TLN2: variants seen among roughly 807,000 people sequenced by gnomAD.
TLN2 encodes talin-2.
TLN2 carries 118 observed loss-of-function variants against 294.7 expected under a neutral mutation model. The ratio of observed to expected loss-of-function variants is 0.40; its 90% confidence interval spans 0.34 to 0.47. The LOEUF (loss-of-function observed/expected upper bound fraction) is 0.47. Ranked by LOEUF, TLN2 falls within the 20% of genes least tolerant of loss-of-function variation. The pLI is 0.84. For synonymous variants in TLN2, 1,431 were observed against 1,304.5 expected (o/e 1.10, Z -2.09); for missense variants, 3,083 against 3,282.2 (o/e 0.94, Z 1.48).
At chr15:62,705,745 G>A (rs771738488) in intron 19 of TLN2, among the ~76,000 whole-genome samples, 1 of 152,198 alleles carries the variant, frequency 6.6e-6, no homozygotes, top group Non-Finnish European at 1.5e-5. Context: ...TTGTAACTTT[G>A]CCATAGTGGG....
intron 50 of TLN2, among the ~76,000 whole-genome samples, chr15:62,804,671 A>G (rs981981606): frequency 6.6e-6 from 1 of 152,198 alleles, no homozygotes; most frequent in Non-Finnish European, 1.5e-5. Context: ...CCGCTGTAGC[A>G]TTCAAGGGTG....
chr15:62,451,520 GGT>G (rs2036148363), intron 1 of TLN2, among the ~76,000 whole-genome samples: 1 of 152,218 alleles, frequency 6.6e-6, no homozygotes, highest in South Asian at 2.1e-4. Flanking sequence ...AGCTAGGCAT[GGT>G]GGTGCGTGCC....
Position 62,842,789 on chromosome 15 carries a change from T to C in TLN2, c.*2179T>C, listed in dbSNP as rs2070841032. On this transcript the variant is annotated 3_prime_UTR_variant, in exon 59 of 59. Coordinates refer to ENST00000636159, the MANE Select transcript of TLN2 (RefSeq NM_015059.3). ...AAAGTTTATTTTTGTAGGAGCTATA[T>C]AAATACTCACCTTTCTGGAGTCGTC... The C allele has an allele frequency of 6.6e-6, 1 of 152,254 alleles. No individual in the cohort carries two copies. Among genetic ancestry groups the C allele is most frequent in the African/African-American group, 2.4e-5 (1 of 41,470 alleles). The allele number at this position is 152,254 out of a possible 1,614,324, so 9.4% of individuals were successfully genotyped here. A position where few individuals can be genotyped will look rare whatever the true frequency, so the allele number is the denominator to read the frequency against.
intron 2 of TLN2, among the ~76,000 whole-genome samples, chr15:62,610,050 C>T (rs913095053): frequency 6.6e-6 from 1 of 152,198 alleles, no homozygotes; most frequent in Non-Finnish European, 1.5e-5. Context: ...CTTGTACTTA[C>T]CCTGCTCCAG....
At chr15:62,403,351 T>G (rs1410844773) in intron 1 of TLN2, among the ~76,000 whole-genome samples, 1 of 152,240 alleles carries the variant, frequency 6.6e-6, no homozygotes, top group Admixed American at 6.5e-5. Flanking sequence ...TCATACTCAC[T>G]GACACCATTT....
intron 58 of TLN2, among the ~76,000 whole-genome samples, chr15:62,839,783 C>CTAAT (rs1367305379): frequency 1.3e-5 from 2 of 152,214 alleles, no homozygotes; most frequent in African/African-American, 4.8e-5. Flanking sequence ...TCTCCATGCG[C>CTAAT]TAATTTCATG....
intron 11 of TLN2, among the ~76,000 whole-genome samples, chr15:62,685,528 T>C (rs1340083972): frequency 6.6e-6 from 1 of 152,296 alleles, no homozygotes; most frequent in Admixed American, 6.5e-5. Flanking sequence ...GTAAGGACTT[T>C]TTAAGGGTTT....
chr15:62,536,516 A>C (rs984669818), intron 1 of TLN2, among the ~76,000 whole-genome samples: 1 of 152,182 alleles, frequency 6.6e-6, no homozygotes, highest in Non-Finnish European at 1.5e-5. Flanking sequence ...GCTGTTAATA[A>C]ATTTTTGTAT....
intron 12 of TLN2, among the ~76,000 whole-genome samples, chr15:62,687,086 T>A (rs2057347524): frequency 6.6e-6 from 1 of 152,222 alleles, no homozygotes; most frequent in African/African-American, 2.4e-5. Flanking sequence ...TTCTCAGTTC[T>A]GTGTTCCTGA....
intron 1 of TLN2, among the ~76,000 whole-genome samples, chr15:62,462,103 C>G (rs912455952): frequency 6.6e-6 from 1 of 152,116 alleles, no homozygotes; most frequent in African/African-American, 2.4e-5. Context: ...GGCGTGGTGG[C>G]GGGTGCCTGT....
intron 2 of TLN2, among the ~76,000 whole-genome samples, chr15:62,603,084 G>A (rs2047137769): frequency 6.6e-6 from 1 of 151,648 alleles, no homozygotes; most frequent in South Asian, 2.1e-4. Flanking sequence ...AGTAGAGATG[G>A]GGTTTCACCG....
At chr15:62,480,579 C>T (rs1390256524) in intron 1 of TLN2, among the ~76,000 whole-genome samples, 15 of 152,138 alleles carry the variant, frequency 9.9e-5, no homozygotes, top group Admixed American at 9.8e-4. Flanking sequence ...TAATTTACAA[C>T]CTGTTGATAT....
chr15:62,724,418 G>A (rs1171101125), intron 26 of TLN2, among the ~76,000 whole-genome samples: 3 of 152,186 alleles, frequency 2.0e-5, no homozygotes, highest in African/African-American at 7.2e-5. Context: ...TGTTATCAAA[G>A]CATTTGGAGA....
At chr15:62,667,034 C>T (rs991944180) in intron 9 of TLN2, among the ~76,000 whole-genome samples, 6 of 152,116 alleles carry the variant, frequency 3.9e-5, no homozygotes, top group Non-Finnish European at 7.4e-5. Flanking sequence ...GGCATGATCT[C>T]GGCTCACTGC....
chr15:62,456,310 T>C (rs1045968079), intron 1 of TLN2, among the ~76,000 whole-genome samples: 8 of 152,170 alleles, frequency 5.3e-5, no homozygotes, highest in Non-Finnish European at 1.2e-4. Context: ...TGACAAAAGG[T>C]GAAAAGCGTT....
At chr15:62,643,333 AGGCAACCCTGG>A (rs988559716) in intron 3 of TLN2, among the ~76,000 whole-genome samples, 8 of 151,646 alleles carry the variant, frequency 5.3e-5, no homozygotes, top group African/African-American at 1.9e-4. Context: ...AGAAGTGAGA[AGGCAACCCTGG>A]GGCCTTTTAG....
intron 1 of TLN2, among the ~76,000 whole-genome samples, chr15:62,464,014 T>A: frequency 6.6e-6 from 1 of 152,238 alleles, no homozygotes; most frequent in Non-Finnish European, 1.5e-5. Context: ...GAAGACAGTG[T>A]GGCAATTCCT....
intron 25 of TLN2, among the ~76,000 whole-genome samples, chr15:62,720,513 C>G (rs1003363707): frequency 1.3e-5 from 2 of 152,082 alleles, no homozygotes; most frequent in Non-Finnish European, 2.9e-5. Flanking sequence ...CTTTCTAGTT[C>G]AACTGATAGT....
chr15:62,475,256 C>T (rs902547242), intron 1 of TLN2, among the ~76,000 whole-genome samples: 29 of 151,950 alleles, frequency 1.9e-4, no homozygotes, highest in African/African-American at 6.8e-4. Context: ...TTGTATAAGC[C>T]GACTTAATGG....
Sources: allele counts gnomAD v4.1 joint callset (sites outside exome capture counted in the v4.1 genomes callset), GRCh38; gene constraint gnomAD v4.1.1; transcripts MANE v1.5; gene names NCBI Gene and HGNC (gene_info 2026-07-23, HGNC 2026-07-21).